FMR1: variants seen among roughly 807,000 people sequenced by gnomAD.
FMR1 encodes the protein FMRP translational regulator 1.
FMR1 carries 13 observed loss-of-function variants against 50.6 expected under a neutral mutation model. The ratio of observed to expected loss-of-function variants is 0.26; its 90% confidence interval spans 0.17 to 0.41. FMR1 has a LOEUF of 0.41. Among genes scored for constraint, FMR1 ranks in the 10% least tolerant of loss-of-function variants. The pLI, the probability that FMR1 is intolerant of heterozygous loss-of-function variation, is 1.00. For missense variants in FMR1, 316 were observed against 491.3 expected, an observed-to-expected ratio of 0.64 and a Z score of 3.37; for synonymous variants, 138 against 164.1, an observed-to-expected ratio of 0.84 and a Z score of 1.22.
Position 147,948,884 on chromosome X carries a change from G to GT in FMR1, c.*41dup. 1 of 1,171,005 alleles carries GT rather than the reference G, an allele frequency of 8.5e-7. No homozygotes were observed. Among genetic ancestry groups the GT allele is most frequent in the Non-Finnish European group, 1.2e-6 (1 of 858,854 alleles). The stretch of plus-strand genomic sequence containing the variant: ...AAGTTATATTTCCTATACCATTTCC[G>GT]TAATTCTTATTCCATATTAGAAAAC... On this transcript the variant is annotated 3_prime_UTR_variant, in exon 17 of 17. Transcript: ENST00000370475.
At chrX:147,925,928 A>G (rs1394250135) in intron 3 of FMR1, among the ~76,000 whole-genome samples, 2 of 111,920 alleles carry the variant, frequency 1.8e-5, no homozygotes, top group African/African-American at 6.5e-5. Context: ...TTTGAATAGT[A>G]TGTTGTTTGT....
chrX:147,938,116 A>G lies in FMR1; in HGVS notation c.1143A>G (p.Ser381=). The change falls in exon 12 of 17, where the codon TCA becomes TCG. Residue 381 remains serine, a synonymous_variant. Coordinates refer to ENST00000370475, the MANE Select transcript of FMR1 (RefSeq NM_002024.6). The part of the protein sequence containing the change: ...TKVQRVLVAS[S]VVAGESQKPE... ...TGCTTTAGGTGTTAGTGGCTTCATC[A>G]GTTGTAGCAGGGGAATCCCAGAAAC... The G allele has an allele frequency of 1.7e-6, 2 of 1,208,408 alleles. No individual in the cohort carries two copies. The highest frequency in any genetic ancestry group is 3.5e-5 in the South Asian group (2 of 56,934).
chrX:147,924,240 A>G (rs1450432302), intron 2 of FMR1, among the ~76,000 whole-genome samples: 1 of 110,835 alleles, frequency 9.0e-6, no homozygotes, highest in African/African-American at 3.3e-5. Context: ...GATTTCCACA[A>G]ATTCTGACTT....
At chrX:147,936,409 T>C (rs1557179657) in intron 9 of FMR1, 95 bp from the exon 10 acceptor site, 5 of 557,304 alleles carry the variant, frequency 9.0e-6, no homozygotes, top group Non-Finnish European at 1.5e-5. Flanking sequence ...CATAAAAATA[T>C]CTATCTATAT....
Position 147,943,320 on chromosome X carries a change from A to T in FMR1, c.1465A>T (p.Thr489Ser). The change falls in exon 14 of 17, where the codon ACT becomes TCT. Residue 489 changes from threonine to serine, a missense_variant. By Grantham distance (58) the Thr-to-Ser change is moderately conservative. Coordinates refer to ENST00000370475, the MANE Select transcript of FMR1 (RefSeq NM_002024.6). Reference protein sequence around the residue: ...RGHGRRGPGYTSGTNSEASNA... With the variant: ...RGHGRRGPGYSSGTNSEASNA... ...GCACGGCAGACGCGGTCCTGGATAT[A>T]CTTCAGGTACAAACTAAGCATTTTA... 1 of 1,202,090 alleles carries T rather than the reference A, an allele frequency of 8.3e-7. No homozygotes were observed. Among genetic ancestry groups the T allele is most frequent in the South Asian group, 1.8e-5 (1 of 56,752 alleles).
intron 7 of FMR1, chrX:147,930,853 A>AT (rs2043572256): frequency 8.9e-6 from 1 of 112,216 alleles, no homozygotes; most frequent in African/African-American, 3.2e-5. Context: ...CAGCTCTACT[A>AT]TATTCCTGTC....
In FMR1 at chrX:147,932,340, G is replaced by A. The variant is rs782430658; in HGVS notation, c.631-85G>A. 2.3e-5 allele frequency: 21 copies of A among 900,723 alleles called. No homozygotes were observed. The African/African-American group carries it at 3.3e-4, about 14-fold the overall frequency. 74.2% of individuals were successfully genotyped at this position (900,723 alleles called of 1,213,427 possible). On this transcript the variant is annotated intron_variant, in intron 7 of 16. Transcript: ENST00000370475. The stretch of plus-strand genomic sequence containing the variant: ...AATTTATGGACCCCTCATATACAGG[G>A]TCAAGATAATTTACATGGCTGGCCT...
chrX:147,945,552 G>T lies in FMR1; in HGVS notation c.1673G>T (p.Arg558Leu). ...CTCATAGGAAACGACGATCACTCCCGAACAGATAATCGTCCACGTAATCCA... is the reference window on the plus strand; with the variant it reads ...CTCATAGGAAACGACGATCACTCCCTAACAGATAATCGTCCACGTAATCCA... ...GGFKGNDDHS[R>L]TDNRPRNPRE... Residue 558 changes from arginine to leucine, a missense_variant, in exon 16 of 17, where the codon CGA becomes CTA. Transcript: ENST00000370475. 1 of 1,208,252 alleles carries T rather than the reference G, an allele frequency of 8.3e-7. No individual in the cohort carries two copies. The highest frequency in any genetic ancestry group is 1.1e-6 in the Non-Finnish European group (1 of 892,223).
rs1177513909 is a variant in FMR1, at chrX:147,949,888, A to C, written c.*1044A>C. On this transcript the variant is annotated 3_prime_UTR_variant, in exon 17 of 17. Transcript: ENST00000370475. ...AGGAAGGTCATTTCCATGTATGCAT[A>C]ATAATCCTGCAAAGTACAGGTACTT... 6.2e-6 allele frequency: 2 copies of C among 325,147 alleles called. No individual in the cohort carries two copies. The highest frequency in any genetic ancestry group is 2.7e-5 in the African/African-American group (1 of 37,269). The allele number at this position is 325,147 out of a possible 1,213,427, so 26.8% of individuals were successfully genotyped here.
chrX:147,931,690 G>T (rs2043613667), intron 7 of FMR1, among the ~76,000 whole-genome samples: 1 of 112,138 alleles, frequency 8.9e-6, no homozygotes, highest in Non-Finnish European at 1.9e-5. Context: ...GGATGTCAGT[G>T]TAACTTAGTT....
intron 16 of FMR1, among the ~76,000 whole-genome samples, chrX:147,947,942 TTAAAA>T (rs1274292512): frequency 8.9e-6 from 1 of 112,387 alleles, no homozygotes; most frequent in Middle Eastern, 4.2e-3. Context: ...GCATTGGCAC[TTAAAA>T]TATTTTATAG....
At chrX:147,934,205 GTTT>G (rs548035697) in intron 9 of FMR1, among the ~76,000 whole-genome samples, 1 of 100,062 alleles carries the variant, frequency 1.0e-5, no homozygotes. Context: ...TAGTTGTTTT[GTTT>G]TTTTTTTTTA....
Position 147,921,909 on chromosome X carries a change from AATTT to A in FMR1, c.52-22_52-19del. 1 of 1,068,419 alleles carries A rather than the reference AATTT, an allele frequency of 9.4e-7. No individual in the cohort carries two copies. The highest frequency in any genetic ancestry group is 1.3e-6 in the Non-Finnish European group (1 of 766,428). The allele number at this position is 1,068,419 out of a possible 1,213,427, so 88.0% of individuals were successfully genotyped here. A position where few individuals can be genotyped will look rare whatever the true frequency, so the allele number is the denominator to read the frequency against. ...AAAACTATCTTTAAGCTCACAAGTT[AATTT>A]AACGTTTTTTCTTACACAGGCATTT... On this transcript the variant is annotated intron_variant, in intron 1 of 16. Transcript: ENST00000370475.
At chrX:147,919,451 T>C (rs2043048400) in intron 1 of FMR1, among the ~76,000 whole-genome samples, 1 of 112,244 alleles carries the variant, frequency 8.9e-6, no homozygotes. Context: ...CTAATAATTC[T>C]AAAATATCAT....
At chrX:147,920,242 A>T (rs1557176159) in intron 1 of FMR1, among the ~76,000 whole-genome samples, 4 of 111,861 alleles carry the variant, frequency 3.6e-5, no homozygotes, top group Non-Finnish European at 7.5e-5. Flanking sequence ...GTGGGTGTCC[A>T]CTTGTCCCAG....
intron 1 of FMR1, among the ~76,000 whole-genome samples, chrX:147,918,019 C>T (rs781870205): frequency 4.9e-4 from 55 of 111,915 alleles, no homozygotes; most frequent in African/African-American, 1.7e-3. Context: ...TCAGGAACCT[C>T]CTCAACCTCT....
rs145936124 is a variant in FMR1 at position 147,939,087 on chromosome X, T to G, written c.1188+926T>G. On this transcript the variant is annotated intron_variant, in intron 12 of 16. Coordinates refer to ENST00000370475, the MANE Select transcript of FMR1 (RefSeq NM_002024.6). ...GTGATATTTGACCCAGAGGGAAGGG[T>G]GTAGCATTCATTCCATCACATGGTA... 6.4e-3 allele frequency among the ~76,000 whole-genome samples: 720 copies of G among 112,118 alleles called. 7 individuals carry two copies. The highest frequency in any genetic ancestry group is 0.022 in the African/African-American group (678 of 30,857).
chrX:147,932,302 TA>T, intron 7 of FMR1, 122 bp from the exon 8 acceptor site: 1 of 637,335 alleles, frequency 1.6e-6, no homozygotes, highest in Non-Finnish European at 2.6e-6. Flanking sequence ...AGTTTTAACC[TA>T]AAACTATTAA....
chrX:147,942,715 T>C (rs781801306), intron 13 of FMR1, among the ~76,000 whole-genome samples: 155 of 112,715 alleles, frequency 1.4e-3, no homozygotes, highest in African/African-American at 4.7e-3. Context: ...ATGTGTGATT[T>C]TTAAGGTTAG....
Sources: allele counts gnomAD v4.1 joint callset (sites outside exome capture counted in the v4.1 genomes callset), GRCh38; gene constraint gnomAD v4.1.1; transcripts MANE v1.5; gene names NCBI Gene and HGNC (gene_info 2026-07-23, HGNC 2026-07-21).